Variants in DRD3 observed in about 807,000 individuals in gnomAD.
DRD3 encodes the protein dopamine receptor D3.
A neutral mutation model predicts 36.3 loss-of-function variants in DRD3; 19 were observed. That is an observed-to-expected ratio of 0.52 (90% CI 0.36 to 0.77). The LOEUF is 0.77. Among genes scored for constraint, DRD3 ranks in the 30% least tolerant of loss-of-function variants. The pLI is 0.00. For synonymous variants in DRD3, 195 were observed against 203.7 expected, an observed-to-expected ratio of 0.96 and a Z score of 0.36; for missense variants, 465 against 505.3, an observed-to-expected ratio of 0.92 and a Z score of 0.77.
chr3:114,195,411 G>A (rs2078031523), intron 1 of DRD3, among the ~76,000 whole-genome samples: 1 of 152,040 alleles, frequency 6.6e-6, no homozygotes, highest in South Asian at 2.1e-4. Context: ...ACATACCCTG[G>A]AAAAAGTGTG....
chr3:114,146,627 A>C (rs1008781463), intron 4 of DRD3, among the ~76,000 whole-genome samples: 6 of 150,252 alleles, frequency 4.0e-5, no homozygotes, highest in Admixed American at 2.7e-4. Flanking sequence ...TGAACCCAGG[A>C]GGCAGAAGTT....
At chr3:114,130,979 C>T (rs997452176) in intron 6 of DRD3, 139 bp downstream of exon 6, 49 of 1,178,202 alleles carry the variant, frequency 4.2e-5, no homozygotes, top group Non-Finnish European at 5.1e-5. Context: ...AGCATTTATA[C>T]ACAAATACTT....
intron 4 of DRD3, among the ~76,000 whole-genome samples, chr3:114,140,594 T>A (rs565261584): frequency 9.5e-4 from 145 of 152,382 alleles, no homozygotes; most frequent in Non-Finnish European, 1.8e-3. Flanking sequence ...GTGCCATTAT[T>A]ACTGTCTCTC....
chr3:114,162,270 C>A (rs1050444735), intron 2 of DRD3, among the ~76,000 whole-genome samples: 12 of 152,162 alleles, frequency 7.9e-5, no homozygotes, highest in African/African-American at 2.9e-4. Flanking sequence ...ACCCACATGA[C>A]CCATTCCAGG....
intron 1 of DRD3, among the ~76,000 whole-genome samples, chr3:114,187,227 G>C (rs1185195955): frequency 1.3e-5 from 2 of 152,134 alleles, no homozygotes; most frequent in African/African-American, 4.8e-5. Context: ...AGAAATAAAC[G>C]ATCATTATTT....
chr3:114,186,411 G>A (rs574965415), intron 1 of DRD3, among the ~76,000 whole-genome samples: 1 of 152,298 alleles, frequency 6.6e-6, no homozygotes, highest in Non-Finnish European at 1.5e-5. Flanking sequence ...ACAGGCATGA[G>A]CCACTGCACC....
At chr3:114,144,179 G>A (rs1482382138) in intron 4 of DRD3, among the ~76,000 whole-genome samples, 2 of 152,244 alleles carry the variant, frequency 1.3e-5, no homozygotes, top group East Asian at 1.9e-4. Flanking sequence ...GAGAACAGGA[G>A]CAACTCCAAG....
In DRD3 at chr3:114,194,848, A is replaced by C. The variant is rs1043863749; in HGVS notation, c.-156+4425T>G. On this transcript the variant is annotated intron_variant, in intron 1 of 7. Coordinates refer to the DRD3 transcript ENST00000460779. The stretch of plus-strand genomic sequence containing the variant: ...AAGATTTTTTTTTTTTTTTGAAACC[A>C]CTTAAGTAAAACAAAGTCTCCTGCT... Among the ~76,000 whole-genome samples the C allele has an allele frequency of 4.0e-5, 6 of 149,402 alleles. No homozygotes were observed. In the East Asian group the frequency reaches 1.2e-3, roughly 29 times the overall value.
rs557772590 is a variant in DRD3, at chr3:114,189,691, TCA to T, written c.-156+9580_-156+9581del. 6.6e-5 allele frequency among the ~76,000 whole-genome samples: 10 copies of T among 152,340 alleles called. No homozygotes were observed. In the South Asian group the frequency reaches 2.1e-3, roughly 32 times the overall value. ...ATAGAGCATGCACCATTCAGTTTGG[TCA>T]CAGTTTTCTCCACTCCTTGTTGTTT... On this transcript the variant is annotated intron_variant, in intron 1 of 7. Transcript: ENST00000460779.
intron 4 of DRD3, among the ~76,000 whole-genome samples, chr3:114,146,015 A>T (rs1159948448): frequency 2.0e-5 from 3 of 152,250 alleles, no homozygotes; most frequent in Non-Finnish European, 2.9e-5. Context: ...AACTTGTTTA[A>T]GGAGAGACAG....
chr3:114,132,440 A>G (rs1223249006), intron 5 of DRD3, among the ~76,000 whole-genome samples: 1 of 152,164 alleles, frequency 6.6e-6, no homozygotes, highest in African/African-American at 2.4e-5. Flanking sequence ...GAGCATTAGG[A>G]CAAATACCTA....
At chr3:114,194,013 C>T (rs2078024744) in intron 1 of DRD3, among the ~76,000 whole-genome samples, 1 of 152,150 alleles carries the variant, frequency 6.6e-6, no homozygotes, top group African/African-American at 2.4e-5. Context: ...TAAATAAATT[C>T]ACATCTGTCT....
intron 3 of DRD3, among the ~76,000 whole-genome samples, chr3:114,155,218 C>T (rs115696769): frequency 3.0e-3 from 451 of 152,320 alleles, no homozygotes; most frequent in Non-Finnish European, 5.4e-3. Context: ...AGCTATTTGT[C>T]ATCACATGAA....
chr3:114,190,120 A>G (rs1486403163), intron 1 of DRD3, among the ~76,000 whole-genome samples: 1 of 151,996 alleles, frequency 6.6e-6, no homozygotes, highest in East Asian at 1.9e-4. Context: ...CATACTTTAG[A>G]TAGAGCCAGT....
intron 4 of DRD3, among the ~76,000 whole-genome samples, chr3:114,146,915 A>G (rs2077574541): frequency 6.6e-6 from 1 of 152,082 alleles, no homozygotes. Flanking sequence ...TAAAAATAGA[A>G]AATATACTCT....
rs377601521 is a variant in DRD3 at position 114,128,267 on chromosome 3, C to T, written c.*449G>A. Among the ~76,000 whole-genome samples, 1 of 152,024 alleles carries T rather than the reference C, an allele frequency of 6.6e-6. No homozygotes were observed. The highest frequency in any genetic ancestry group is 2.1e-4 in the South Asian group (1 of 4,826). On this transcript the variant is annotated 3_prime_UTR_variant, in exon 7 of 7. Coordinates refer to ENST00000383673, the MANE Select transcript of DRD3 (RefSeq NM_000796.6). ...AAGAAATGACCAAGAGGAATGGGCC[C>T]GTAAAAGTACAAGGTTAGCCTGACA...
At chr3:114,132,688 A>G (rs2077441504) in intron 5 of DRD3, among the ~76,000 whole-genome samples, 1 of 152,206 alleles carries the variant, frequency 6.6e-6, no homozygotes, top group Admixed American at 6.5e-5. Flanking sequence ...ACCTGGTGAT[A>G]CAGAGAAACA....
At chr3:114,170,110 C>T (rs1171201439) in intron 2 of DRD3, among the ~76,000 whole-genome samples, 3 of 152,154 alleles carry the variant, frequency 2.0e-5, no homozygotes, top group Non-Finnish European at 4.4e-5. Context: ...CTGGTTGCAC[C>T]TAAAGCGCCT....
intron 2 of DRD3, among the ~76,000 whole-genome samples, chr3:114,170,117 G>T (rs543921056): frequency 6.6e-6 from 1 of 152,108 alleles, no homozygotes; most frequent in South Asian, 2.1e-4. Context: ...CACCTAAAGC[G>T]CCTCATTCTT....
Sources: gnomAD v4.1 joint callset for allele counts (sites outside exome capture counted in the v4.1 genomes callset) on GRCh38, gnomAD v4.1.1 for gene constraint, MANE v1.5 for transcripts, NCBI Gene and HGNC (gene_info 2026-07-23, HGNC 2026-07-21) for gene names.